Variants in MAPK10 observed in about 807,000 individuals in gnomAD.
The protein encoded by MAPK10 is mitogen-activated protein kinase 10.
MAPK10 carries 25 observed loss-of-function variants against 59.3 expected under a neutral mutation model. The observed-to-expected ratio is 0.42, with a 90% confidence interval of 0.31 to 0.59. The LOEUF (loss-of-function observed/expected upper bound fraction) is 0.59, where lower values mean the gene tolerates loss of function less well. Among genes scored for constraint, MAPK10 ranks in the 20% least tolerant of loss-of-function variants. The pLI is 0.15. For synonymous variants in MAPK10, 190 were observed against 200.5 expected, an observed-to-expected ratio of 0.95 and a Z score of 0.44; for missense variants, 351 against 568.9, an observed-to-expected ratio of 0.62 and a Z score of 3.90.
intron 1 of MAPK10, among the ~76,000 whole-genome samples, chr4:86,573,158 A>G (rs1405855032): frequency 1.3e-5 from 2 of 152,118 alleles, no homozygotes; most frequent in African/African-American, 4.8e-5. Context: ...CTAATTTTCC[A>G]ATTTTTTAAT....
chr4:86,476,694 A>G (rs924881429), intron 1 of MAPK10, among the ~76,000 whole-genome samples: 6 of 152,194 alleles, frequency 3.9e-5, no homozygotes, highest in Non-Finnish European at 5.9e-5. Context: ...TTTAAGGTGT[A>G]CAATAATAGA....
At chr4:86,178,257 G>A (rs1352239527) in intron 3 of MAPK10, among the ~76,000 whole-genome samples, 1 of 151,992 alleles carries the variant, frequency 6.6e-6, no homozygotes, top group East Asian at 1.9e-4. Flanking sequence ...GTATTATAAA[G>A]ATAAAATGAG....
At chr4:86,221,750 AC>A in intron 2 of MAPK10, among the ~76,000 whole-genome samples, 1 of 152,182 alleles carries the variant, frequency 6.6e-6, no homozygotes, top group Admixed American at 6.5e-5. Context: ...GGACCCACCC[AC>A]CTCGGCTTCC....
intron 1 of MAPK10, among the ~76,000 whole-genome samples, chr4:86,573,913 T>TTG (rs1761659588): frequency 6.6e-6 from 1 of 152,182 alleles, no homozygotes; most frequent in South Asian, 2.1e-4. Context: ...ATTTTTTAAA[T>TTG]TATCATTATA....
At position 86,107,081 on chromosome 4, in the gene MAPK10, G is replaced by A. The variant is rs1451385487; in HGVS notation, c.366+142C>T. Reference sequence around the variant, plus strand: ...TACCATGAGGACAATGAAATCGAATGTAGCATATTGGCAGGATAAACAATC... The same window carrying A: ...TACCATGAGGACAATGAAATCGAATATAGCATATTGGCAGGATAAACAATC... On this transcript the variant is annotated intron_variant, in intron 5 of 13. Coordinates refer to ENST00000641462, the MANE Select transcript of MAPK10 (RefSeq NM_138982.4). 3 of 598,674 alleles carry A rather than the reference G, an allele frequency of 5.0e-6. 1 individual carries two copies. Among genetic ancestry groups the A allele is most frequent in the Non-Finnish European group, 8.7e-6 (3 of 344,308 alleles). 37.1% of individuals were successfully genotyped at this position (598,674 alleles called of 1,614,324 possible).
chr4:86,118,579 TACACACACACACAC>T (rs148000432), intron 4 of MAPK10, among the ~76,000 whole-genome samples: 2 of 146,248 alleles, frequency 1.4e-5, no homozygotes, highest in Non-Finnish European at 3.0e-5. Flanking sequence ...TAAATACACA[TACACACACACACAC>T]ACACACACAC....
intron 1 of MAPK10, among the ~76,000 whole-genome samples, chr4:86,588,270 T>A (rs898991140): frequency 2.6e-5 from 4 of 152,220 alleles, no homozygotes; most frequent in African/African-American, 9.6e-5. Context: ...TAAAGGCCAA[T>A]ATTTATTATG....
Position 86,436,222 on chromosome 4 carries a change from A to G in MAPK10, c.-122+16808T>C, listed in dbSNP as rs574503486. Among the ~76,000 whole-genome samples the G allele has an allele frequency of 2.0e-5, 3 of 152,262 alleles. No individual in the cohort carries two copies. In the East Asian group the frequency reaches 5.8e-4, roughly 29 times the overall value. On this transcript the variant is annotated intron_variant, in intron 1 of 13. Transcript: ENST00000361569. ...ATATAAGTGTAAAGGGCTCTGAGTAACTCCTGGGTGGCCAAAATGAAACTC... is the reference window on the plus strand; with the variant it reads ...ATATAAGTGTAAAGGGCTCTGAGTAGCTCCTGGGTGGCCAAAATGAAACTC...
chr4:86,413,428 T>C (rs552848743), intron 1 of MAPK10, among the ~76,000 whole-genome samples: 108 of 152,288 alleles, frequency 7.1e-4, no homozygotes, highest in African/African-American at 2.5e-3. Context: ...GGGAGAACCA[T>C]TGCTCTCTTC....
At chr4:86,388,963 G>A (rs1204004919) in intron 1 of MAPK10, among the ~76,000 whole-genome samples, 1 of 152,118 alleles carries the variant, frequency 6.6e-6, no homozygotes, top group Admixed American at 6.5e-5. Context: ...TGTTTTTAAT[G>A]CAAAAACTGG....
upstream of MAPK10, among the ~76,000 whole-genome samples, chr4:86,456,495 A>T (rs1366134607): frequency 2.0e-5 from 3 of 152,178 alleles, no homozygotes; most frequent in Admixed American, 1.3e-4. Context: ...ACACCACAGA[A>T]ATACAAAAGA....
At chr4:86,452,256 G>C (rs1286090765) in intron 1 of MAPK10, among the ~76,000 whole-genome samples, 1 of 152,192 alleles carries the variant, frequency 6.6e-6, no homozygotes, top group Non-Finnish European at 1.5e-5. Context: ...TTAAGATGCA[G>C]CCCAAATATA....
At chr4:86,414,953 C>CA (rs149183214) in intron 1 of MAPK10, among the ~76,000 whole-genome samples, 1,696 of 152,038 alleles carry the variant, frequency 0.011, 30 homozygotes, top group African/African-American at 0.037. Context: ...GTGATAACAA[C>CA]ATAGGGATAC....
intron 1 of MAPK10, among the ~76,000 whole-genome samples, chr4:86,423,482 A>G (rs1746798549): frequency 6.6e-6 from 1 of 152,106 alleles, no homozygotes; most frequent in Non-Finnish European, 1.5e-5. Context: ...ATAAAACTAA[A>G]CAAATGGTGG....
chr4:86,113,051 T>C (rs1426211511), intron 4 of MAPK10, among the ~76,000 whole-genome samples: 1 of 152,174 alleles, frequency 6.6e-6, no homozygotes, highest in African/African-American at 2.4e-5. Context: ...TGCCTTTTTC[T>C]GCTTTCCATT....
chr4:86,386,894 T>C (rs1026004300), intron 1 of MAPK10, among the ~76,000 whole-genome samples: 1 of 152,124 alleles, frequency 6.6e-6, no homozygotes, highest in African/African-American at 2.4e-5. Flanking sequence ...CTAGGATATC[T>C]TTGGAAACTG....
At chr4:86,273,202 A>T (rs2094483489) in intron 2 of MAPK10, among the ~76,000 whole-genome samples, 1 of 152,080 alleles carries the variant, frequency 6.6e-6, no homozygotes, top group African/African-American at 2.4e-5. Context: ...CTAACGTAAT[A>T]AAAAGAAAAT....
At chr4:86,105,993 G>A (rs554248395) in intron 5 of MAPK10, among the ~76,000 whole-genome samples, 23 of 152,128 alleles carry the variant, frequency 1.5e-4, no homozygotes, top group African/African-American at 4.1e-4. Flanking sequence ...ATTGTGGATC[G>A]CCTTGCTCTT....
intron 2 of MAPK10, among the ~76,000 whole-genome samples, chr4:86,207,477 G>T (rs1023177966): frequency 6.6e-6 from 1 of 152,146 alleles, no homozygotes; most frequent in Admixed American, 6.5e-5. Context: ...AAGTCAGGTA[G>T]CGTGATGCCT....
Sources: allele counts gnomAD v4.1 joint callset (sites outside exome capture counted in the v4.1 genomes callset), GRCh38; gene constraint gnomAD v4.1.1; transcripts MANE v1.5; gene names NCBI Gene and HGNC (gene_info 2026-07-23, HGNC 2026-07-21).